Variants in MARCHF11 observed in about 807,000 individuals in gnomAD.
The protein encoded by MARCHF11 is membrane associated ring-CH-type finger 11.
A neutral mutation model predicts 37.3 loss-of-function variants in MARCHF11; 29 were observed. The ratio of observed to expected loss-of-function variants is 0.78; its 90% confidence interval spans 0.58 to 1.06. The LOEUF is 1.06. Ranked by LOEUF, MARCHF11 falls within the 50% of genes least tolerant of loss-of-function variation. The probability of loss-of-function intolerance (pLI) is 0.00; values close to 1 mark genes in which losing one functional copy is unlikely to be tolerated. For synonymous variants in MARCHF11, 233 were observed against 228.0 expected, an observed-to-expected ratio of 1.02 and a Z score of -0.20; for missense variants, 482 against 533.4, an observed-to-expected ratio of 0.90 and a Z score of 0.95.
At chr5:16,142,658 G>C (rs376507030) in intron 2 of MARCHF11, among the ~76,000 whole-genome samples, 4 of 150,342 alleles carry the variant, frequency 2.7e-5, no homozygotes, top group African/African-American at 9.8e-5. Context: ...CACTTAAAGG[G>C]AAAGCCCTGT....
chr5:16,070,184 G>T (rs1439585421), intron 3 of MARCHF11, among the ~76,000 whole-genome samples: 1 of 152,130 alleles, frequency 6.6e-6, no homozygotes, highest in Non-Finnish European at 1.5e-5. Flanking sequence ...AATACTACCA[G>T]ATTTTAATTG....
rs1163255614 is a variant in MARCHF11 at position 16,179,468 on chromosome 5, C to G, written c.108G>C (p.Pro36=). The change falls in exon 1 of 4, where the codon CCG becomes CCC. Residue 36 remains proline, a synonymous_variant. Coordinates refer to ENST00000332432, the MANE Select transcript of MARCHF11 (RefSeq NM_001102562.3). ...PPPPPPPTPP[P]GEPAPVPAAP... is the part of the protein sequence containing the mutation. ...CCGCGGGGACCGGGGCCGGCTCTCCCGGCGGCGGCGTCGGCGGCGGCGGCG... is the reference window on the plus strand; with the variant it reads ...CCGCGGGGACCGGGGCCGGCTCTCCGGGCGGCGGCGTCGGCGGCGGCGGCG... 16 of 1,128,870 alleles carry G rather than the reference C, an allele frequency of 1.4e-5. No individual in the cohort carries two copies. In the Admixed American group the frequency reaches 4.5e-4, roughly 31 times the overall value. 69.9% of individuals were successfully genotyped at this position (1,128,870 alleles called of 1,614,324 possible).
Position 16,109,475 on chromosome 5 carries a change from C to T in MARCHF11, c.694-18394G>A, listed in dbSNP as rs142093468. Among the ~76,000 whole-genome samples the T allele has an allele frequency of 4.1e-4, 62 of 152,308 alleles. 1 individual carries two copies. The highest frequency in any genetic ancestry group is 1.3e-3 in the African/African-American group (52 of 41,580). ...GGGTGGGTGAACGCATGGAGCTGCC[C>T]GGAGGATGGTGCCCGGAGAGGGCAT... is the stretch of plus-strand genomic sequence containing the variant. On this transcript the variant is annotated intron_variant, in intron 2 of 3. Coordinates refer to ENST00000332432, the MANE Select transcript of MARCHF11 (RefSeq NM_001102562.3).
intron 2 of MARCHF11, among the ~76,000 whole-genome samples, chr5:16,125,380 C>T (rs1215278453): frequency 2.1e-5 from 3 of 141,648 alleles, no homozygotes; most frequent in African/African-American, 7.4e-5. Context: ...ATGTTCAACA[C>T]ATCCTATTAT....
At chr5:16,092,571 TG>T (rs1490217576) in intron 2 of MARCHF11, among the ~76,000 whole-genome samples, 1 of 151,890 alleles carries the variant, frequency 6.6e-6, no homozygotes, top group Non-Finnish European at 1.5e-5. Flanking sequence ...AACATCACAC[TG>T]GGGCCTGTTG....
chr5:16,071,458 G>A (rs1355852206), intron 3 of MARCHF11, among the ~76,000 whole-genome samples: 1 of 152,138 alleles, frequency 6.6e-6, no homozygotes, highest in African/African-American at 2.4e-5. Context: ...TCTTGAAAAA[G>A]CAGGCTTAAA....
chr5:16,076,156 T>C lies in MARCHF11; in HGVS notation c.887-8363A>G, dbSNP rs189699010. Among the ~76,000 whole-genome samples, 10 of 152,332 alleles carry C rather than the reference T, an allele frequency of 6.6e-5. No individual in the cohort carries two copies. In the East Asian group the frequency reaches 1.9e-3, roughly 29 times the overall value. ...TCAATCATTTAACTGATTTTTAAAA[T>C]TCCTTGTAGATGGGAGTATCTCCTG... On this transcript the variant is annotated intron_variant, in intron 3 of 3. Coordinates refer to ENST00000332432, the MANE Select transcript of MARCHF11 (RefSeq NM_001102562.3).
At chr5:16,089,894 G>C (rs76333383) in intron 3 of MARCHF11, among the ~76,000 whole-genome samples, 1 of 152,174 alleles carries the variant, frequency 6.6e-6, no homozygotes, top group Non-Finnish European at 1.5e-5. Context: ...AGTATGGAGG[G>C]ATGAAGGTGA....
At chr5:16,115,384 TCA>T (rs1226138310) in intron 2 of MARCHF11, among the ~76,000 whole-genome samples, 1 of 152,200 alleles carries the variant, frequency 6.6e-6, no homozygotes, top group East Asian at 1.9e-4. Flanking sequence ...GAGCCTGATA[TCA>T]CAGCCTCATC....
At chr5:16,164,211 T>C (rs1317866316) in intron 2 of MARCHF11, among the ~76,000 whole-genome samples, 1 of 152,014 alleles carries the variant, frequency 6.6e-6, no homozygotes. Context: ...CAGGAAGATA[T>C]AACACTTAAT....
At chr5:16,160,623 T>C (rs1485745848) in intron 2 of MARCHF11, among the ~76,000 whole-genome samples, 1 of 151,690 alleles carries the variant, frequency 6.6e-6, no homozygotes, top group Non-Finnish European at 1.5e-5. Flanking sequence ...GAAGTAGTTG[T>C]TTCAAAGTAT....
intron 2 of MARCHF11, among the ~76,000 whole-genome samples, chr5:16,112,663 T>C (rs1275253955): frequency 6.6e-6 from 1 of 152,204 alleles, no homozygotes; most frequent in Non-Finnish European, 1.5e-5. Flanking sequence ...TTTGGGGGAC[T>C]GTTGGGAAGG....
chr5:16,120,633 T>A (rs1737294529), intron 2 of MARCHF11, among the ~76,000 whole-genome samples: 1 of 152,228 alleles, frequency 6.6e-6, no homozygotes, highest in Admixed American at 6.5e-5. Flanking sequence ...TGGGGTAGAC[T>A]GCAAAACTGG....
chr5:16,125,230 T>G (rs568648682), intron 2 of MARCHF11, among the ~76,000 whole-genome samples: 1 of 151,318 alleles, frequency 6.6e-6, no homozygotes, highest in African/African-American at 2.4e-5. Flanking sequence ...ACACTGCTGA[T>G]AGCTTATTGA....
intron 2 of MARCHF11, among the ~76,000 whole-genome samples, chr5:16,168,891 T>C (rs936390556): frequency 8.5e-5 from 13 of 152,268 alleles, no homozygotes; most frequent in Middle Eastern, 6.8e-3. Flanking sequence ...TACATATTTA[T>C]GTTTTTTAAA....
chr5:16,135,901 AG>A (rs1737606024), intron 2 of MARCHF11, among the ~76,000 whole-genome samples: 1 of 149,094 alleles, frequency 6.7e-6, no homozygotes, highest in South Asian at 2.2e-4. Context: ...AAAAAAAAGA[AG>A]GAAGGGAGGG....
intron 2 of MARCHF11, among the ~76,000 whole-genome samples, chr5:16,174,643 G>A (rs370611335): frequency 3.3e-5 from 5 of 152,326 alleles, no homozygotes; most frequent in African/African-American, 1.2e-4. Flanking sequence ...AAGTGCTTGA[G>A]GATATACATC....
At chr5:16,084,470 C>T (rs1257303705) in intron 3 of MARCHF11, among the ~76,000 whole-genome samples, 1 of 152,002 alleles carries the variant, frequency 6.6e-6, no homozygotes, top group East Asian at 1.9e-4. Context: ...TGGTGAAACC[C>T]CGTCTCTACT....
chr5:16,168,802 T>C (rs561387232), intron 2 of MARCHF11, among the ~76,000 whole-genome samples: 40 of 152,250 alleles, frequency 2.6e-4, no homozygotes, highest in Non-Finnish European at 4.0e-4. Context: ...GAATGCTCAA[T>C]ACAGGCCTGG....
Sources: gnomAD v4.1 joint callset for allele counts (sites outside exome capture counted in the v4.1 genomes callset) on GRCh38, gnomAD v4.1.1 for gene constraint, MANE v1.5 for transcripts, NCBI Gene and HGNC (gene_info 2026-07-23, HGNC 2026-07-21) for gene names.